Variants in CBLB observed in about 807,000 individuals in gnomAD.
CBLB encodes Cbl proto-oncogene B.
CBLB carries 31 observed loss-of-function variants against 104.9 expected under a neutral mutation model. The observed-to-expected ratio is 0.30, with a 90% CI of 0.22 to 0.40. CBLB has a LOEUF of 0.40. CBLB is among the 10% of genes least tolerant of loss of function. The pLI is 1.00. For missense variants in CBLB, 1,062 were observed against 1,214.6 expected, an observed-to-expected ratio of 0.87 and a Z score of 1.87; for synonymous variants, 440 against 422.6, an observed-to-expected ratio of 1.04 and a Z score of -0.51.
At chr3:105,754,956 AGTCT>A (rs1406356799) in intron 4 of CBLB, among the ~76,000 whole-genome samples, 72 of 152,178 alleles carry the variant, frequency 4.7e-4, no homozygotes, top group African/African-American at 1.4e-3. Flanking sequence ...AATGAGTTCT[AGTCT>A]GTCTACCAAA....
intron 3 of CBLB, among the ~76,000 whole-genome samples, chr3:105,780,700 T>C (rs1404262914): frequency 7.1e-6 from 1 of 140,058 alleles, no homozygotes; most frequent in Non-Finnish European, 1.5e-5. Context: ...TCTCGCTCTG[T>C]CACCCAGGCT....
chr3:105,810,529 T>C (rs1466846170), intron 3 of CBLB, among the ~76,000 whole-genome samples: 9 of 152,142 alleles, frequency 5.9e-5, no homozygotes, highest in East Asian at 1.9e-4. Flanking sequence ...AGCGAAGAAA[T>C]AGCTAAACTT....
At position 105,665,141 on chromosome 3, in the gene CBLB, G is replaced by A. The variant is rs140506902; in HGVS notation, c.2689+5092C>T. On this transcript the variant is annotated intron_variant, in intron 18 of 18. Transcript: ENST00000394030. ...TTTCAGGCCAGGCGCAGTGGCTCAC[G>A]CCTATAATCCTAGCAGTTTGAGAGG... is the stretch of plus-strand genomic sequence containing the variant. 4.7e-3 allele frequency among the ~76,000 whole-genome samples: 707 copies of A among 152,028 alleles called. 7 individuals carry two copies. The highest frequency in any genetic ancestry group is 0.016 in the African/African-American group (665 of 41,466).
chr3:105,843,304 T>C (rs1179190790), intron 3 of CBLB, among the ~76,000 whole-genome samples: 1 of 152,350 alleles, frequency 6.6e-6, no homozygotes, highest in Admixed American at 6.5e-5. Flanking sequence ...CATATTTTAA[T>C]ATTAAAGACA....
At chr3:105,756,418 T>C (rs1046565020) in intron 4 of CBLB, among the ~76,000 whole-genome samples, 1 of 152,038 alleles carries the variant, frequency 6.6e-6, no homozygotes, top group Admixed American at 6.5e-5. Context: ...AAGCTAACAA[T>C]AGATGAGCAA....
intron 4 of CBLB, among the ~76,000 whole-genome samples, chr3:105,770,283 C>T (rs1003257531): frequency 5.9e-5 from 9 of 152,074 alleles, no homozygotes; most frequent in Non-Finnish European, 1.2e-4. Context: ...TGAAAAACTC[C>T]TAAGTCCTCA....
chr3:105,677,835 A>C (rs2065844058), intron 17 of CBLB, among the ~76,000 whole-genome samples: 2 of 149,506 alleles, frequency 1.3e-5, no homozygotes, highest in Admixed American at 1.3e-4. Flanking sequence ...TATGTAAATA[A>C]TAATATTAAA....
At chr3:105,850,440 A>G (rs1245455120) in intron 3 of CBLB, among the ~76,000 whole-genome samples, 1 of 152,158 alleles carries the variant, frequency 6.6e-6, no homozygotes, top group Non-Finnish European at 1.5e-5. Context: ...AACTAAATAC[A>G]GAGAGGTTAA....
Position 105,658,191 on chromosome 3 carries a change from A to G in CBLB, c.*779T>C, listed in dbSNP as rs2063471362. The G allele has an allele frequency of 4.6e-6, 1 of 215,746 alleles. No homozygotes were observed. Among genetic ancestry groups the G allele is most frequent in the Admixed American group, 5.9e-5 (1 of 17,094 alleles). The allele number at this position is 215,746 out of a possible 1,614,324, so 13.4% of individuals were successfully genotyped here. ...TATTGTAGATTTTTACAGTTGTGACACCCCTGGGATGACAGACATGAGAAT... is the reference window on the plus strand; with the variant it reads ...TATTGTAGATTTTTACAGTTGTGACGCCCCTGGGATGACAGACATGAGAAT... On this transcript the variant is annotated 3_prime_UTR_variant, in exon 19 of 19. Coordinates refer to ENST00000394030, the MANE Select transcript of CBLB (RefSeq NM_170662.5).
At chr3:105,691,075 A>AT (rs2067631330) in intron 13 of CBLB, among the ~76,000 whole-genome samples, 1 of 152,248 alleles carries the variant, frequency 6.6e-6, no homozygotes, top group African/African-American at 2.4e-5. Flanking sequence ...CTGGACATTG[A>AT]TATTTAGCAT....
At chr3:105,715,225 G>A (rs2071683128) in intron 10 of CBLB, among the ~76,000 whole-genome samples, 1 of 152,158 alleles carries the variant, frequency 6.6e-6, no homozygotes, top group South Asian at 2.1e-4. Flanking sequence ...CTTTGTCTGA[G>A]GGCTCACATC....
intron 3 of CBLB, among the ~76,000 whole-genome samples, chr3:105,839,250 A>G (rs1275862220): frequency 1.3e-5 from 2 of 152,204 alleles, no homozygotes; most frequent in Non-Finnish European, 2.9e-5. Context: ...AATGCAGGAA[A>G]GCCACTAGAT....
chr3:105,868,524 G>A (rs933178252), intron 1 of CBLB: 9 of 327,224 alleles, frequency 2.8e-5, no homozygotes, highest in Admixed American at 2.6e-4. Flanking sequence ...GCCTGCTGCA[G>A]TCCTCACCGC....
At chr3:105,738,091 T>C (rs2075145252) in intron 7 of CBLB, among the ~76,000 whole-genome samples, 2 of 152,208 alleles carry the variant, frequency 1.3e-5, no homozygotes, top group Admixed American at 6.5e-5. Flanking sequence ...CACTGCTGTA[T>C]TTCATCAGTT....
intron 4 of CBLB, among the ~76,000 whole-genome samples, chr3:105,769,820 G>A (rs112090456): frequency 1.1e-3 from 165 of 152,260 alleles, no homozygotes; most frequent in African/African-American, 3.5e-3. Flanking sequence ...CACTTCAAGC[G>A]AAAGACTGGA....
rs758601887 is a variant in CBLB at position 105,659,204 on chromosome 3, G to A, written c.2715C>T (p.Pro905=). The A allele has an allele frequency of 1.1e-5, 17 of 1,613,836 alleles. No homozygotes were observed. Among genetic ancestry groups the A allele is most frequent in the Non-Finnish European group, 1.4e-5 (16 of 1,179,914 alleles). ...CAGTCCTGCGCGGTCGTGGTTTAGG[G>A]GGTCTGGCTGGTGCCTGTGAACCAT... ...CSDGSQAPAR[P]PKPRPRRTAP... The change falls in exon 19 of 19, where the codon CCC becomes CCT. Residue 905 remains proline, a synonymous_variant. Coordinates refer to ENST00000394030, the MANE Select transcript of CBLB (RefSeq NM_170662.5).
chr3:105,699,624 C>G (rs542206608), intron 12 of CBLB, among the ~76,000 whole-genome samples: 1 of 152,242 alleles, frequency 6.6e-6, no homozygotes, highest in African/African-American at 2.4e-5. Context: ...CCTCTTAAGT[C>G]TCCCAACAAT....
chr3:105,760,657 A>C (rs2077529952), intron 4 of CBLB, among the ~76,000 whole-genome samples: 1 of 152,154 alleles, frequency 6.6e-6, no homozygotes, highest in Admixed American at 6.5e-5. Flanking sequence ...AGTTCCTTGT[A>C]AGTCTCTCAA....
chr3:105,795,869 G>A (rs1214664844), intron 3 of CBLB, among the ~76,000 whole-genome samples: 4 of 151,936 alleles, frequency 2.6e-5, no homozygotes, highest in South Asian at 4.2e-4. Flanking sequence ...TCAGCCTCCC[G>A]AGTAGCTGGG....
Sources: allele counts gnomAD v4.1 joint callset (sites outside exome capture counted in the v4.1 genomes callset), GRCh38; gene constraint gnomAD v4.1.1; transcripts MANE v1.5; gene names NCBI Gene and HGNC (gene_info 2026-07-23, HGNC 2026-07-21).